PATJ: variants seen among roughly 807,000 people sequenced by gnomAD.
PATJ encodes inaD-like protein.
Under a neutral mutation model 224.9 loss-of-function variants are expected in PATJ, and 190 were observed. That is an observed-to-expected ratio of 0.84 (90% CI 0.75 to 0.95). PATJ has a LOEUF of 0.95. PATJ is among the 40% of genes least tolerant of loss of function. The pLI is 0.00. For synonymous variants in PATJ, 769 were observed against 820.3 expected, an observed-to-expected ratio of 0.94 and a Z score of 1.07; for missense variants, 2,121 against 2,270.3, an observed-to-expected ratio of 0.93 and a Z score of 1.34.
intron 28 of PATJ, among the ~76,000 whole-genome samples, chr1:62,009,596 A>G (rs1002696084): frequency 2.0e-5 from 3 of 152,148 alleles, no homozygotes; most frequent in Admixed American, 1.3e-4. Flanking sequence ...GACATTCGCC[A>G]CATCGATTGT....
intron 28 of PATJ, among the ~76,000 whole-genome samples, chr1:62,012,195 A>C (rs59469474): frequency 0.038 from 5,809 of 152,224 alleles, 289 homozygotes; most frequent in African/African-American, 0.11. Context: ...CTTTTTATAG[A>C]GATGGCTGTT....
At chr1:62,041,755 G>A (rs543509436) in intron 30 of PATJ, among the ~76,000 whole-genome samples, 1 of 152,048 alleles carries the variant, frequency 6.6e-6, no homozygotes, top group South Asian at 2.1e-4. Flanking sequence ...GCTAGGCCGG[G>A]CGTGGTGGCT....
chr1:61,746,548 CA>C (rs1305784705), intron 1 of PATJ, among the ~76,000 whole-genome samples: 1 of 152,182 alleles, frequency 6.6e-6, no homozygotes, highest in African/African-American at 2.4e-5. Flanking sequence ...AAGACTGTAA[CA>C]AGAGTTATGG....
chr1:61,932,791 T>A (rs528916340), intron 27 of PATJ, among the ~76,000 whole-genome samples: 110 of 152,168 alleles, frequency 7.2e-4, no homozygotes, highest in Non-Finnish European at 1.4e-3. Context: ...TCCCAACTAG[T>A]CGGGAGGCTG....
At chr1:61,826,478 C>T (rs1658289448) in intron 15 of PATJ, among the ~76,000 whole-genome samples, 1 of 152,208 alleles carries the variant, frequency 6.6e-6, no homozygotes, top group Non-Finnish European at 1.5e-5. Context: ...TATTTGTTGC[C>T]TGGATTCTGT....
intron 14 of PATJ, among the ~76,000 whole-genome samples, chr1:61,811,203 A>C (rs1351739552): frequency 6.6e-6 from 1 of 152,182 alleles, no homozygotes; most frequent in Non-Finnish European, 1.5e-5. Context: ...TAACTGTAAT[A>C]TGCCTAGAAT....
At chr1:61,897,510 A>C (rs1378625265) in intron 22 of PATJ, among the ~76,000 whole-genome samples, 3 of 152,124 alleles carry the variant, frequency 2.0e-5, no homozygotes, top group Admixed American at 2.0e-4. Flanking sequence ...GTATGGCCTT[A>C]CTCCTCGTTG....
At position 62,122,383 on chromosome 1, in the gene PATJ, A is replaced by C. The variant is rs998708855; in HGVS notation, c.5006-638A>C. Among the ~76,000 whole-genome samples, 16 of 150,924 alleles carry C rather than the reference A, an allele frequency of 1.1e-4. No homozygotes were observed. The South Asian group carries it at 3.1e-3, about 30-fold the overall frequency. On this transcript the variant is annotated intron_variant, in intron 38 of 43. Transcript: ENST00000642238. ...CCATCTAAAAAAAAAAAAAAAAAAAAAACCACACACACACACAAAAATGAG... is the reference window on the plus strand; with the variant it reads ...CCATCTAAAAAAAAAAAAAAAAAAACAACCACACACACACACAAAAATGAG...
intron 29 of PATJ, among the ~76,000 whole-genome samples, chr1:62,036,247 G>A (rs1174746922): frequency 3.3e-5 from 5 of 152,176 alleles, no homozygotes; most frequent in African/African-American, 4.8e-5. Flanking sequence ...CTTACATGCC[G>A]GTGAGAAATG....
intron 31 of PATJ, among the ~76,000 whole-genome samples, chr1:62,051,296 T>C (rs1423386247): frequency 1.3e-5 from 2 of 152,086 alleles, no homozygotes; most frequent in Non-Finnish European, 2.9e-5. Flanking sequence ...CTCTCCTCTT[T>C]TTTTTTGTTT....
intron 28 of PATJ, among the ~76,000 whole-genome samples, chr1:62,010,797 A>C (rs1304027173): frequency 6.6e-6 from 1 of 152,218 alleles, no homozygotes; most frequent in Non-Finnish European, 1.5e-5. Context: ...GGAAGCAAAC[A>C]CATCCTTCTT....
intron 27 of PATJ, among the ~76,000 whole-genome samples, chr1:61,987,713 A>G (rs1644840843): frequency 6.6e-6 from 1 of 152,162 alleles, no homozygotes; most frequent in Non-Finnish European, 1.5e-5. Context: ...TCACTAGTCC[A>G]AAGAATTTCC....
At position 62,121,205 on chromosome 1, in the gene PATJ, A is replaced by G; in HGVS notation, c.4915A>G (p.Ser1639Gly). ...GGGTAGTCAGCAGAGTGCACACAGC[A>G]GCTGTCATCCCTCCTTCGCTCCTGT... ...SQGSQQSAHS[S>G]CHPSFAPVIT... The change falls in exon 38 of 44, where the codon AGC becomes GGC. Residue 1639 changes from serine to glycine, a missense_variant. By Grantham distance (56) the Ser-to-Gly change is moderately conservative (BLOSUM62 0). Coordinates refer to ENST00000642238, the MANE Select transcript of PATJ (RefSeq NM_001350145.3). 6.2e-7 allele frequency: 1 copy of G among 1,613,886 alleles called. No individual in the cohort carries two copies. Among genetic ancestry groups the G allele is most frequent in the Non-Finnish European group, 8.5e-7 (1 of 1,179,822 alleles).
At chr1:61,881,456 G>C (rs2149060076) in intron 21 of PATJ, among the ~76,000 whole-genome samples, 1 of 148,448 alleles carries the variant, frequency 6.7e-6, no homozygotes, top group African/African-American at 2.5e-5. Context: ...TGTCACTCAG[G>C]CTGGAAGTGC....
chr1:62,139,382 A>G (rs1667262182), intron 41 of PATJ, among the ~76,000 whole-genome samples: 1 of 137,646 alleles, frequency 7.3e-6, no homozygotes, highest in Non-Finnish European at 1.5e-5. Flanking sequence ...CCTGGGCGAC[A>G]CAGCGAGACT....
rs547876983 is a variant in PATJ, at chr1:62,012,905, G to A, written c.3868-4951G>A. 2.0e-5 allele frequency among the ~76,000 whole-genome samples: 3 copies of A among 152,186 alleles called. No homozygotes were observed. In the South Asian group the frequency reaches 6.2e-4, roughly 32 times the overall value. ...GCATTTTTCTTTTAGATTTAATCCA[G>A]TTGAATCAAGGTTCACTCTTTCTTG... is the stretch of plus-strand genomic sequence containing the variant. On this transcript the variant is annotated intron_variant, in intron 28 of 43. Coordinates refer to ENST00000642238, the MANE Select transcript of PATJ (RefSeq NM_001350145.3).
At chr1:62,049,020 A>G (rs1163761211) in intron 30 of PATJ, among the ~76,000 whole-genome samples, 1 of 152,168 alleles carries the variant, frequency 6.6e-6, no homozygotes. Flanking sequence ...TATAATTCTA[A>G]GTGGCAAAGT....
chr1:61,769,272 T>G lies in PATJ; in HGVS notation c.385-11T>G. On this transcript the variant is annotated splice_polypyrimidine_tract_variant and intron_variant, in intron 4 of 43. Transcript: ENST00000642238. ...CACCATTGACTTTTTTTTTTAACGC[T>G]CCTTCATTAGGGCCGGCAAATTGAA... is the stretch of plus-strand genomic sequence containing the variant. The G allele has an allele frequency of 6.3e-7, 1 of 1,594,870 alleles. No individual in the cohort carries two copies. The highest frequency in any genetic ancestry group is 2.2e-5 in the East Asian group (1 of 44,630).
intron 26 of PATJ, among the ~76,000 whole-genome samples, chr1:61,918,306 T>C (rs1367351504): frequency 6.8e-6 from 1 of 146,378 alleles, no homozygotes; most frequent in Non-Finnish European, 1.5e-5. Flanking sequence ...GTTTGTGTAT[T>C]CTTTTTTTTT....
Sources: gnomAD v4.1 joint callset for allele counts (sites outside exome capture counted in the v4.1 genomes callset) on GRCh38, gnomAD v4.1.1 for gene constraint, MANE v1.5 for transcripts, NCBI Gene and HGNC (gene_info 2026-07-23, HGNC 2026-07-21) for gene names.